TTC34: variants seen among roughly 807,000 people sequenced by gnomAD.
TTC34 encodes the protein tetratricopeptide repeat domain 34.
In TTC34, 44 loss-of-function variants were observed where a neutral mutation model predicts 40.7. The ratio of observed to expected loss-of-function variants is 1.08; its 90% CI spans 0.85 to 1.39. The LOEUF is 1.39. Ranked by LOEUF, TTC34 falls within the 40% of genes most tolerant of loss-of-function variation. The probability of loss-of-function intolerance (pLI) is 0.00; values close to 1 mark genes in which losing one functional copy is unlikely to be tolerated. For missense variants in TTC34, 884 were observed against 838.0 expected, an observed-to-expected ratio of 1.05 and a Z score of -0.68; for synonymous variants, 422 against 398.6, an observed-to-expected ratio of 1.06 and a Z score of -0.70.
chr1:2,671,644 TC>T (rs1639704481), intron 6 of TTC34, among the ~76,000 whole-genome samples: 1 of 149,900 alleles, frequency 6.7e-6, no homozygotes, highest in Non-Finnish European at 1.5e-5. Flanking sequence ...CAGGTGAACA[TC>T]AGAGAGTCTG....
intron 6 of TTC34, among the ~76,000 whole-genome samples, chr1:2,680,212 CACCA>C (rs1640018874): frequency 9.0e-6 from 1 of 111,090 alleles, no homozygotes; most frequent in Non-Finnish European, 2.2e-5. Context: ...CCCGGAGCAG[CACCA>C]GTACCCCCAG....
chr1:2,800,015 G>A, intron 2 of TTC34, 29 bp downstream of exon 2: 1 of 398,584 alleles, frequency 2.5e-6, no homozygotes. Context: ...TTTCACCCTG[G>A]CTCTGCAGGG....
chr1:2,660,789 C>A (rs1381959598), intron 6 of TTC34, among the ~76,000 whole-genome samples: 1 of 139,198 alleles, frequency 7.2e-6, no homozygotes, highest in Non-Finnish European at 1.5e-5. Context: ...GCAGCACCCA[C>A]ACCCCCAGGT....
At position 2,760,995 on chromosome 1, in the gene TTC34, C is replaced by G. The variant is rs1250142241; in HGVS notation, c.2226+22614G>C. Among the ~76,000 whole-genome samples, 4 of 71,786 alleles carry G rather than the reference C, an allele frequency of 5.6e-5. 2 individuals are homozygous for G. The highest frequency in any genetic ancestry group is 9.5e-5 in the Non-Finnish European group (4 of 41,976). 47.1% of individuals were successfully genotyped at this position (71,786 alleles called of 152,430 possible). ...GTGAGCATCTGATAGCCTGGAGCAG[C>G]GCTCACACCCAGAGGTGAGCATATG... On this transcript the variant is annotated intron_variant, in intron 6 of 8. Coordinates refer to ENST00000401095, the Ensembl canonical transcript of TTC34.
chr1:2,761,326 C>T (rs1450297503), intron 6 of TTC34, among the ~76,000 whole-genome samples: 1 of 78,756 alleles, frequency 1.3e-5, no homozygotes, highest in African/African-American at 8.9e-5. Context: ...ACCCACAACC[C>T]CAGGTGAGTA....
intron 6 of TTC34, among the ~76,000 whole-genome samples, chr1:2,655,316 C>A (rs4648669): frequency 1.1e-3 from 3 of 2,830 alleles, no homozygotes; most frequent in African/African-American, 5.1e-3. Context: ...TCTGACAGCC[C>A]GGAACAGCAC....
exon 9 of TTC34, chr1:2,641,259 G>C (rs1228314201): frequency 1.6e-6 from 2 of 1,284,788 alleles, no homozygotes; most frequent in Non-Finnish European, 1.0e-6. Flanking sequence ...GGAGAGGGCA[G>C]GGCAGGTACC....
chr1:2,753,063 G>A (rs1641377947), intron 6 of TTC34, among the ~76,000 whole-genome samples: 2 of 151,422 alleles, frequency 1.3e-5, no homozygotes, highest in Admixed American at 6.6e-5. Flanking sequence ...ACCCCCAGGT[G>A]AGCATCTGAC....
At chr1:2,799,508 A>G (rs1643750266) in intron 2 of TTC34, among the ~76,000 whole-genome samples, 1 of 151,410 alleles carries the variant, frequency 6.6e-6, no homozygotes, top group Non-Finnish European at 1.5e-5. Flanking sequence ...GCCCCATTGC[A>G]CTCCAGCCTG....
Position 2,772,960 on chromosome 1 carries a change from C to A in TTC34, c.2226+10649G>T, listed in dbSNP as rs538856395. On this transcript the variant is annotated intron_variant, in intron 6 of 8. Transcript: ENST00000401095. ...TACCCCCAGGCGAGCATCTGACAGC[C>A]TGGAGCAGCATGCACACCCCCAGGC... Among the ~76,000 whole-genome samples, 3 of 129,980 alleles carry A rather than the reference C, an allele frequency of 2.3e-5. No individual in the cohort carries two copies. The South Asian group carries it at 7.6e-4, about 33-fold the overall frequency. The allele number at this position is 129,980 out of a possible 152,430, so 85.3% of individuals were successfully genotyped here.
chr1:2,695,989 C>A (rs563942766), intron 6 of TTC34, among the ~76,000 whole-genome samples: 1 of 139,858 alleles, frequency 7.2e-6, no homozygotes, highest in African/African-American at 2.6e-5. Flanking sequence ...TGGAACAGAA[C>A]CCACACCCCC....
intron 6 of TTC34, among the ~76,000 whole-genome samples, chr1:2,752,756 GTGGAAC>G (rs1641365763): frequency 7.5e-5 from 5 of 66,940 alleles, no homozygotes; most frequent in South Asian, 5.6e-4. Context: ...ATCTGACAGC[GTGGAAC>G]AGCACCCATA....
chr1:2,786,133 C>A, intron 4 of TTC34, 110 bp from the exon 5 acceptor site: 1 of 1,013,168 alleles, frequency 9.9e-7, no homozygotes, highest in South Asian at 2.4e-5. Flanking sequence ...GCCCCAGGGT[C>A]CACCTGGTGC....
intron 8 of TTC34, among the ~76,000 whole-genome samples, chr1:2,643,113 A>G (rs944135598): frequency 6.6e-6 from 1 of 151,964 alleles, no homozygotes; most frequent in Non-Finnish European, 1.5e-5. Flanking sequence ...CAGCTGTCGG[A>G]CCCCGGGAGC....
intron 6 of TTC34, among the ~76,000 whole-genome samples, chr1:2,755,574 C>T (rs1363532867): frequency 8.6e-6 from 1 of 115,990 alleles, no homozygotes; most frequent in African/African-American, 4.0e-5. Flanking sequence ...CACGGAGCAG[C>T]ACCCACACCT....
chr1:2,693,128 CTGGAG>C (rs1640702724), intron 6 of TTC34, among the ~76,000 whole-genome samples: 1 of 63,112 alleles, frequency 1.6e-5, no homozygotes, highest in Non-Finnish European at 3.5e-5. Context: ...ATCTGACAGC[CTGGAG>C]CAGAACCCAC....
chr1:2,694,941 A>C, intron 6 of TTC34, among the ~76,000 whole-genome samples: 1 of 143,566 alleles, frequency 7.0e-6, no homozygotes, highest in East Asian at 2.1e-4. Flanking sequence ...ATCCTTGAGC[A>C]GCACCCACAC....
intron 6 of TTC34, among the ~76,000 whole-genome samples, chr1:2,690,457 C>CAGCCCCAGGTGGGCATCTGACAT (rs1640566455): frequency 6.9e-6 from 1 of 144,010 alleles, no homozygotes; most frequent in African/African-American, 2.8e-5. Flanking sequence ...ACAGCACCCA[C>CAGCCCCAGGTGGGCATCTGACAT]AACCACAGGT....
intron 6 of TTC34, among the ~76,000 whole-genome samples, chr1:2,696,843 T>C (rs1428747720): frequency 1.2e-3 from 27 of 22,164 alleles, no homozygotes; most frequent in African/African-American, 1.5e-3. Flanking sequence ...ACCCACACCT[T>C]CCGGCGAGCA....
Sources: allele counts gnomAD v4.1 joint callset (sites outside exome capture counted in the v4.1 genomes callset), GRCh38; gene constraint gnomAD v4.1.1; transcripts MANE v1.5; gene names NCBI Gene and HGNC (gene_info 2026-07-23, HGNC 2026-07-21).